The following CNTN3 variants were observed in gnomAD, a reference collection of about 807,000 sequenced individuals.
CNTN3 encodes contactin 3, also known as contactin-3.
A neutral mutation model predicts 119.1 loss-of-function variants in CNTN3; 60 were observed. That is an observed-to-expected ratio of 0.50 (90% CI 0.41 to 0.62). The LOEUF (loss-of-function observed/expected upper bound fraction) is 0.62. CNTN3 is among the 20% of genes least tolerant of loss of function. The pLI, the probability that CNTN3 is intolerant of heterozygous loss-of-function variation, is 0.00. For missense variants in CNTN3, 1,101 were observed against 1,242.4 expected (o/e 0.89, Z 1.71); for synonymous variants, 450 against 438.7 (o/e 1.03, Z -0.32).
intron 11 of CNTN3, 120 bp from the exon 12 acceptor site, chr3:74,336,778 G>A: frequency 1.5e-6 from 1 of 659,244 alleles, no homozygotes; most frequent in Non-Finnish European, 2.3e-6. Flanking sequence ...TGATCAACCA[G>A]TCCTTAGCTT....
intron 11 of CNTN3, among the ~76,000 whole-genome samples, chr3:74,350,165 A>C (rs1703781175): frequency 6.6e-6 from 1 of 152,210 alleles, no homozygotes; most frequent in Non-Finnish European, 1.5e-5. Flanking sequence ...GAAGGTTGAA[A>C]TAATGTGCAA....
chr3:74,290,232 G>A (rs1208992361), intron 19 of CNTN3, among the ~76,000 whole-genome samples: 1 of 152,216 alleles, frequency 6.6e-6, no homozygotes, highest in African/African-American at 2.4e-5. Context: ...GTTAGATGGT[G>A]TAGCGTAGTG....
At chr3:74,506,872 C>A (rs967818395) in intron 2 of CNTN3, among the ~76,000 whole-genome samples, 2 of 152,028 alleles carry the variant, frequency 1.3e-5, no homozygotes, top group African/African-American at 2.4e-5. Flanking sequence ...TAAAATATTT[C>A]TTTAACACAT....
intron 5 of CNTN3, among the ~76,000 whole-genome samples, chr3:74,374,624 A>C (rs745811172): frequency 2.6e-5 from 4 of 152,078 alleles, no homozygotes; most frequent in Non-Finnish European, 4.4e-5. Flanking sequence ...CCAGAGAAAA[A>C]CAGTGTGAGG....
intron 13 of CNTN3, among the ~76,000 whole-genome samples, chr3:74,321,491 T>C (rs1226079637): frequency 6.6e-6 from 1 of 152,062 alleles, no homozygotes; most frequent in African/African-American, 2.4e-5. Context: ...CTAAGCTTTT[T>C]GCTTCAGAAA....
chr3:74,532,618 C>T (rs752937646), intron 1 of CNTN3, among the ~76,000 whole-genome samples: 2 of 151,892 alleles, frequency 1.3e-5, no homozygotes, highest in Non-Finnish European at 2.9e-5. Flanking sequence ...GCGTCCACAG[C>T]GTGGGTCCCC....
intron 1 of CNTN3, among the ~76,000 whole-genome samples, chr3:74,542,709 C>T (rs560051213): frequency 6.6e-6 from 1 of 152,234 alleles, no homozygotes; most frequent in Non-Finnish European, 1.5e-5. Flanking sequence ...ATTTGTCAAT[C>T]ATATATATTG....
chr3:74,276,543 CA>C (rs1414296462), intron 20 of CNTN3, among the ~76,000 whole-genome samples: 1 of 151,370 alleles, frequency 6.6e-6, no homozygotes, highest in African/African-American at 2.4e-5. Context: ...ATCATTGAGT[CA>C]AAAATGAAAT....
chr3:74,346,862 C>T (rs1227204541), intron 11 of CNTN3, among the ~76,000 whole-genome samples: 1 of 152,048 alleles, frequency 6.6e-6, no homozygotes, highest in Non-Finnish European at 1.5e-5. Flanking sequence ...AAATATAGCA[C>T]ACTCCATATT....
chr3:74,442,181 AG>A (rs1701978907), intron 4 of CNTN3, among the ~76,000 whole-genome samples: 1 of 68,350 alleles, frequency 1.5e-5, no homozygotes, highest in African/African-American at 4.7e-5. Context: ...ACACACAGAG[AG>A]AGAGAGATTA....
At chr3:74,523,227 C>T (rs1703568618) in intron 1 of CNTN3, among the ~76,000 whole-genome samples, 1 of 151,828 alleles carries the variant, frequency 6.6e-6, no homozygotes, top group Non-Finnish European at 1.5e-5. Context: ...TTCTTCTAAT[C>T]ATGCATTTGA....
Position 74,546,288 on chromosome 3 carries a change from C to T in CNTN3, c.-80-25096G>A, listed in dbSNP as rs575362276. ...GGGATTACAGGCATGAGCCACTGTGCCCGGCCCATTTCTTGAACTTTTAAG... is the reference window on the plus strand; with the variant it reads ...GGGATTACAGGCATGAGCCACTGTGTCCGGCCCATTTCTTGAACTTTTAAG... On this transcript the variant is annotated intron_variant, in intron 1 of 22. Coordinates refer to ENST00000263665, the MANE Select transcript of CNTN3 (RefSeq NM_020872.3). Among the ~76,000 whole-genome samples, 3 of 152,280 alleles carry T rather than the reference C, an allele frequency of 2.0e-5. No homozygotes were observed. In the Middle Eastern group the frequency reaches 0.01, roughly 518 times the overall value.
intron 5 of CNTN3, among the ~76,000 whole-genome samples, chr3:74,388,557 C>T (rs185668336): frequency 1.2e-4 from 18 of 152,206 alleles, no homozygotes; most frequent in African/African-American, 3.6e-4. Context: ...AACTTCTCTA[C>T]CCCCAAAAAT....
At chr3:74,578,236 A>G (rs1190699005) in intron 1 of CNTN3, among the ~76,000 whole-genome samples, 1 of 152,060 alleles carries the variant, frequency 6.6e-6, no homozygotes, top group Non-Finnish European at 1.5e-5. Flanking sequence ...AGCTGAAACT[A>G]TACCAATACT....
intron 13 of CNTN3, among the ~76,000 whole-genome samples, chr3:74,310,987 A>G (rs577708877): frequency 6.6e-6 from 1 of 152,322 alleles, no homozygotes; most frequent in Non-Finnish European, 1.5e-5. Flanking sequence ...GAGAGAGGAC[A>G]GTGAGTTTAG....
intron 1 of CNTN3, among the ~76,000 whole-genome samples, chr3:74,546,260 G>T (rs1029895645): frequency 6.6e-6 from 1 of 152,174 alleles, no homozygotes; most frequent in African/African-American, 2.4e-5. Flanking sequence ...CTCCCAAAGT[G>T]CTGGGATTAC....
chr3:74,500,986 T>A (rs1359771743), intron 2 of CNTN3, among the ~76,000 whole-genome samples: 1 of 152,024 alleles, frequency 6.6e-6, no homozygotes, highest in Non-Finnish European at 1.5e-5. Flanking sequence ...TATTCTAGAA[T>A]AATGGATTCC....
chr3:74,599,141 A>T (rs1219595521), intron 1 of CNTN3, among the ~76,000 whole-genome samples: 1 of 152,022 alleles, frequency 6.6e-6, no homozygotes, highest in Non-Finnish European at 1.5e-5. Context: ...AAGCAGGGAG[A>T]GATCATGAGT....
intron 4 of CNTN3, among the ~76,000 whole-genome samples, chr3:74,431,322 T>C (rs1287888844): frequency 6.6e-6 from 1 of 152,136 alleles, no homozygotes; most frequent in Non-Finnish European, 1.5e-5. Context: ...TTGGTGTTGG[T>C]TTCTCACCTG....
Sources: allele counts gnomAD v4.1 joint callset (sites outside exome capture counted in the v4.1 genomes callset), GRCh38; gene constraint gnomAD v4.1.1; transcripts MANE v1.5; gene names NCBI Gene and HGNC (gene_info 2026-07-23, HGNC 2026-07-21).